The following KRIT1 variants were observed in gnomAD, a reference collection of about 807,000 sequenced individuals.
The protein encoded by KRIT1 is krev interaction trapped protein 1.
In KRIT1, 45 loss-of-function variants were observed where a neutral mutation model predicts 95.8. The observed-to-expected ratio is 0.47, with a 90% CI of 0.37 to 0.60. The LOEUF is 0.60. Ranked by LOEUF, KRIT1 falls within the 20% of genes least tolerant of loss-of-function variation. The pLI is 0.00. For missense variants in KRIT1, 788 were observed against 877.5 expected, an observed-to-expected ratio of 0.90 and a Z score of 1.29; for synonymous variants, 282 against 278.8, an observed-to-expected ratio of 1.01 and a Z score of -0.11.
chr7:92,231,256 A>C (rs1797227776), intron 10 of KRIT1, among the ~76,000 whole-genome samples: 2 of 152,108 alleles, frequency 1.3e-5, no homozygotes, highest in South Asian at 4.1e-4. Context: ...AAAGTAAAGA[A>C]TGGTTTTTAC....
In KRIT1 at chr7:92,237,792, A is replaced by C. The variant is rs763577796; in HGVS notation, c.263-33T>G. Reference sequence around the variant, plus strand: ...TTTTTAAAAAGTTAGCAAAACAAAAATAATACACTTTTAAATCTTATAAAT... The same window carrying C: ...TTTTTAAAAAGTTAGCAAAACAAAACTAATACACTTTTAAATCTTATAAAT... On this transcript the variant is annotated intron_variant, in intron 5 of 18. Coordinates refer to ENST00000394505, the MANE Select transcript of KRIT1 (RefSeq NM_194454.3). 16 of 1,059,988 alleles carry C rather than the reference A, an allele frequency of 1.5e-5. No homozygotes were observed. The African/African-American group carries it at 2.5e-4, about 17-fold the overall frequency. The allele number at this position is 1,059,988 out of a possible 1,614,324, so 65.7% of individuals were successfully genotyped here.
intron 17 of KRIT1, chr7:92,201,686 G>A (rs1463130807): frequency 2.7e-6 from 1 of 368,670 alleles, no homozygotes; most frequent in Non-Finnish European, 5.1e-6. Context: ...CCCTCCCCTA[G>A]CCCCCTACCC....
rs1063661 is a variant in KRIT1, at chr7:92,200,647, C to G, written c.*89G>C. 7.8e-6 allele frequency: 7 copies of G among 896,046 alleles called. No individual in the cohort carries two copies. Among genetic ancestry groups the G allele is most frequent in the East Asian group, 2.5e-5 (1 of 39,300 alleles). The allele number at this position is 896,046 out of a possible 1,614,324, so 55.5% of individuals were successfully genotyped here. A position where few individuals can be genotyped will look rare whatever the true frequency, so the allele number is the denominator to read the frequency against. On this transcript the variant is annotated 3_prime_UTR_variant, in exon 19 of 19. Transcript: ENST00000394505. Reference sequence around the variant, plus strand: ...AATTACAGGGGTGAGCCACCATGCTCGGCCAAAAGTAATATTTTAAGAAAT... The same window carrying G: ...AATTACAGGGGTGAGCCACCATGCTGGGCCAAAAGTAATATTTTAAGAAAT...
At chr7:92,234,997 A>G in intron 8 of KRIT1, 74 bp from the exon 9 acceptor site, 1 of 757,040 alleles carries the variant, frequency 1.3e-6, no homozygotes, top group Non-Finnish European at 2.3e-6. Flanking sequence ...TATATTTTAA[A>G]TTTTTACTTA....
chr7:92,215,956 A>T (rs1793882275), intron 14 of KRIT1, among the ~76,000 whole-genome samples: 1 of 152,074 alleles, frequency 6.6e-6, no homozygotes, highest in African/African-American at 2.4e-5. Flanking sequence ...GCGGCCAGGC[A>T]CGGTGGCTCA....
Position 92,214,660 on chromosome 7 carries a change from T to C in KRIT1, c.1681A>G (p.Ile561Val), listed in dbSNP as rs146927768. 137 of 1,613,036 alleles carry C rather than the reference T, an allele frequency of 8.5e-5. No homozygotes were observed. The highest frequency in any genetic ancestry group is 1.0e-4 in the Non-Finnish European group (123 of 1,179,218). The stretch of plus-strand genomic sequence containing the variant: ...TTACTCTCATAATTTCCATAGACTA[T>C]TTGCAAAAGCAGACTTGCCAATGTT... ...LITLASLLLQ[I>V]VYGNYESKKH... The change falls in exon 15 of 19, where the codon ATA becomes GTA. Residue 561 changes from isoleucine (I) to valine (V), a missense_variant. Coordinates refer to ENST00000394505, the MANE Select transcript of KRIT1 (RefSeq NM_194454.3).
chr7:92,234,235 C>G (rs572639070), intron 10 of KRIT1, among the ~76,000 whole-genome samples: 4 of 152,270 alleles, frequency 2.6e-5, no homozygotes, highest in Admixed American at 2.6e-4. Flanking sequence ...CCTGGCAATG[C>G]CTAAGGACAC....
At chr7:92,217,346 T>C (rs995169898) in intron 14 of KRIT1, among the ~76,000 whole-genome samples, 5 of 152,212 alleles carry the variant, frequency 3.3e-5, no homozygotes, top group African/African-American at 1.2e-4. Context: ...GTTCACAACA[T>C]TGTGCTACCA....
At chr7:92,201,552 ATACTTT>A (rs1790145522) in intron 17 of KRIT1, 129 bp from the exon 18 acceptor site, 7 of 681,450 alleles carry the variant, frequency 1.0e-5, no homozygotes, top group Non-Finnish European at 1.6e-5. Flanking sequence ...AAAAATTATT[ATACTTT>A]AAGTTCTGGG....
At position 92,200,758 on chromosome 7, in the gene KRIT1, A is replaced by G. The variant is rs1251580650; in HGVS notation, c.2189T>C (p.Met730Thr). Reference protein sequence around the residue: ...KLLMKLNGQLMPTERNS With the variant: ...KLLMKLNGQLTPTERNS Reference sequence around the variant, plus strand: ...CTTTCATGAATTTCTTTCAGTGGGCATTAACTGTCCATTTAGCTTCATTAA... The same window carrying G: ...CTTTCATGAATTTCTTTCAGTGGGCGTTAACTGTCCATTTAGCTTCATTAA... Residue 730 changes from methionine to threonine, a missense_variant, in exon 19 of 19, where the codon ATG becomes ACG. Coordinates refer to ENST00000394505, the MANE Select transcript of KRIT1 (RefSeq NM_194454.3). 9.9e-6 allele frequency: 16 copies of G among 1,608,250 alleles called. No individual in the cohort carries two copies. The highest frequency in any genetic ancestry group is 1.7e-5 in the Admixed American group (1 of 59,986).
intron 13 of KRIT1, among the ~76,000 whole-genome samples, chr7:92,222,438 G>A (rs887113383): frequency 2.0e-5 from 3 of 151,956 alleles, no homozygotes; most frequent in Non-Finnish European, 4.4e-5. Context: ...TAGTCATTAG[G>A]TTGATTTTAA....
In KRIT1 at chr7:92,226,530, TC is replaced by T; in HGVS notation, c.1141del (p.Asp381IlefsTer4). On this transcript the variant is annotated frameshift_variant, in exon 11 of 19. Transcript: ENST00000394505. LOFTEE classifies it high-confidence loss of function. ...VQILLNHPET[D>X]RHITDQQGRS... is the part of the protein sequence containing the mutation. ...AAAACCTGGAAAATAACTTACTCTA[TC>T]CGTTTCTGGGTGGTTTAGGAGAATC... The T allele has an allele frequency of 6.2e-7, 1 of 1,610,048 alleles. No homozygotes were observed. Among genetic ancestry groups the T allele is most frequent in the African/African-American group, 1.3e-5 (1 of 74,966 alleles).
chr7:92,236,107 T>C, intron 7 of KRIT1: 1 of 277,282 alleles, frequency 3.6e-6, no homozygotes, highest in Non-Finnish European at 6.8e-6. Flanking sequence ...AGAGGTTGAA[T>C]GACTTCTTCA....
At chr7:92,236,666 G>C in intron 6 of KRIT1, 124 bp from the exon 7 acceptor site, 4 of 686,278 alleles carry the variant, frequency 5.8e-6, no homozygotes, top group Non-Finnish European at 7.5e-6. Context: ...TCTAGATTTG[G>C]AATTAGAAGG....
At position 92,235,683 on chromosome 7, in the gene KRIT1, G is replaced by C. The variant is rs200000378; in HGVS notation, c.486-37C>G. The stretch of plus-strand genomic sequence containing the variant: ...AAAAAACAGGTAGAAGTAGCCATTC[G>C]AAAGTGAAGATGAAAAAGATAGATT... On this transcript the variant is annotated intron_variant, in intron 7 of 18. Coordinates refer to ENST00000394505, the MANE Select transcript of KRIT1 (RefSeq NM_194454.3). 1.0e-3 allele frequency: 1,629 copies of C among 1,606,456 alleles called. No individual in the cohort carries two copies. The highest frequency in any genetic ancestry group is 1.3e-3 in the Non-Finnish European group (1,477 of 1,174,566).
Position 92,235,428 on chromosome 7 carries a change from C to G in KRIT1, c.704G>C (p.Gly235Ala), listed in dbSNP as rs1798226261. ...CCGATTTGTATACTGAAGATCTGATCCAAACAAAGGGTTGTAAATACAGGT... is the reference window on the plus strand; with the variant it reads ...CCGATTTGTATACTGAAGATCTGATGCAAACAAAGGGTTGTAAATACAGGT... ...ADTCIYNPLFGSDLQYTNRVD... is the reference protein window; with the variant it reads ...ADTCIYNPLFASDLQYTNRVD... Residue 235 changes from glycine to alanine, a missense_variant, in exon 8 of 19, where the codon GGA (glycine) becomes GCA (alanine). Physicochemically the swap from Gly to Ala is moderately conservative, Grantham distance 60. Transcript: ENST00000394505. The G allele has an allele frequency of 1.9e-6, 3 of 1,613,802 alleles. No individual in the cohort carries two copies. The highest frequency in any genetic ancestry group is 4.5e-5 in the East Asian group (2 of 44,842).
intron 17 of KRIT1, among the ~76,000 whole-genome samples, chr7:92,209,214 C>T (rs1563230064): frequency 6.6e-6 from 1 of 151,624 alleles, no homozygotes; most frequent in African/African-American, 2.4e-5. Context: ...AAAGGCCATA[C>T]ATATATGACA....
intron 14 of KRIT1, among the ~76,000 whole-genome samples, chr7:92,216,085 T>G (rs2131348745): frequency 6.6e-6 from 1 of 151,538 alleles, no homozygotes; most frequent in South Asian, 2.1e-4. Context: ...AAAAATTAGC[T>G]AGGCATGGTG....
intron 17 of KRIT1, chr7:92,204,031 C>G (rs1790808436): frequency 6.6e-6 from 1 of 152,272 alleles, no homozygotes. Context: ...GAGATAAGGT[C>G]TCACTTTGTT....
Sources: gnomAD v4.1 joint callset for allele counts (sites outside exome capture counted in the v4.1 genomes callset) on GRCh38, gnomAD v4.1.1 for gene constraint, MANE v1.5 for transcripts, NCBI Gene and HGNC (gene_info 2026-07-23, HGNC 2026-07-21) for gene names.